Variants in METTL21A observed in about 807,000 individuals in gnomAD.
METTL21A encodes protein N-lysine methyltransferase METTL21A.
A neutral mutation model predicts 20.9 loss-of-function variants in METTL21A; 22 were observed. The observed-to-expected ratio is 1.05, with a 90% CI of 0.75 to 1.50. The LOEUF (loss-of-function observed/expected upper bound fraction) is 1.50, where lower values mean the gene tolerates loss of function less well. Ranked by LOEUF, METTL21A falls within the 40% of genes most tolerant of loss-of-function variation. The pLI is 0.00. For synonymous variants in METTL21A, 93 were observed against 102.0 expected (o/e 0.91, Z 0.53); for missense variants, 271 against 266.8 (o/e 1.02, Z -0.11).
chr2:207,618,953 AG>A (rs2090137292), intron 3 of METTL21A, among the ~76,000 whole-genome samples: 1 of 152,098 alleles, frequency 6.6e-6, no homozygotes. Context: ...ACAATCCATT[AG>A]CTTTGTGACC....
At chr2:207,588,741 T>TGG (rs1559069651) in intron 3 of METTL21A, among the ~76,000 whole-genome samples, 39 of 137,762 alleles carry the variant, frequency 2.8e-4, no homozygotes, top group Non-Finnish European at 4.8e-4. Context: ...TTTTTTTTTT[T>TGG]TGTGTGTGGG....
downstream of METTL21A, among the ~76,000 whole-genome samples, chr2:207,605,368 T>C (rs2087913335): frequency 6.6e-6 from 1 of 152,202 alleles, no homozygotes; most frequent in South Asian, 2.1e-4. Flanking sequence ...TTTGAAGAAA[T>C]GTCTGTTGAG....
intron 3 of METTL21A, chr2:207,602,878 G>A (rs1174526140): frequency 1.4e-5 from 3 of 217,764 alleles, no homozygotes; most frequent in Non-Finnish European, 2.8e-5. Context: ...CCACATGTCA[G>A]TTGTAACTCC....
intron 3 of METTL21A, among the ~76,000 whole-genome samples, chr2:207,593,569 T>C (rs1006184924): frequency 1.3e-5 from 2 of 152,118 alleles, no homozygotes; most frequent in African/African-American, 4.8e-5. Flanking sequence ...TTTTTCTGAA[T>C]TGATAGTTAC....
At chr2:207,591,764 CCT>C (rs1405198715) in intron 3 of METTL21A, among the ~76,000 whole-genome samples, 1 of 152,064 alleles carries the variant, frequency 6.6e-6, no homozygotes, top group Admixed American at 6.6e-5. Context: ...TAATATATAT[CCT>C]TCTCCATCCT....
At chr2:207,605,489 T>C (rs1425405033), downstream of METTL21A, among the ~76,000 whole-genome samples, 1 of 152,196 alleles carries the variant, frequency 6.6e-6, no homozygotes, top group Non-Finnish European at 1.5e-5. Flanking sequence ...AATGTCCTCA[T>C]TGTTTTCAAA....
chr2:207,583,112 G>A (rs2083232947), intron 3 of METTL21A, among the ~76,000 whole-genome samples: 1 of 151,926 alleles, frequency 6.6e-6, no homozygotes, highest in Non-Finnish European at 1.5e-5. Context: ...TATTTACATT[G>A]TATTAAATAT....
chr2:207,620,725 C>A, intron 3 of METTL21A: 1 of 1,528,166 alleles, frequency 6.5e-7, no homozygotes, highest in Non-Finnish European at 8.7e-7. Context: ...AAACCTCTGT[C>A]AATTTACACA....
At chr2:207,606,896 T>G (rs571394169), downstream of METTL21A, among the ~76,000 whole-genome samples, 124 of 152,344 alleles carry the variant, frequency 8.1e-4, no homozygotes, top group Non-Finnish European at 1.1e-3. Flanking sequence ...GTGAATCTTT[T>G]GCATTATGGT....
In METTL21A at chr2:207,603,754, A is replaced by C. The variant is rs542833661; in HGVS notation, c.259+18052T>G. Reference sequence around the variant, plus strand: ...CACTGAAAGGACAATAAGACTATATACCTTCTCAGGTCCCCTTGCAATTCT... The same window carrying C: ...CACTGAAAGGACAATAAGACTATATCCCTTCTCAGGTCCCCTTGCAATTCT... On this transcript the variant is annotated intron_variant, in intron 3 of 3. Coordinates refer to the METTL21A transcript ENST00000425132. Among the ~76,000 whole-genome samples, 8 of 152,260 alleles carry C rather than the reference A, an allele frequency of 5.3e-5. No individual in the cohort carries two copies. In the South Asian group the frequency reaches 1.0e-3, roughly 20 times the overall value.
chr2:207,592,438 T>C (rs887997507), intron 3 of METTL21A, among the ~76,000 whole-genome samples: 1 of 151,538 alleles, frequency 6.6e-6, no homozygotes, highest in Non-Finnish European at 1.5e-5. Context: ...TTTTTTCTTA[T>C]GATTTAAATG....
intron 3 of METTL21A, among the ~76,000 whole-genome samples, chr2:207,588,124 A>G (rs1361484030): frequency 5.4e-5 from 3 of 55,582 alleles, no homozygotes; most frequent in Non-Finnish European, 7.6e-5. Context: ...GCCTAAATCA[A>G]TATCACACAG....
intron 3 of METTL21A, among the ~76,000 whole-genome samples, chr2:207,620,374 C>T (rs1237779593): frequency 2.0e-5 from 3 of 151,894 alleles, no homozygotes; most frequent in Non-Finnish European, 2.9e-5. Flanking sequence ...ACCCGGGAGG[C>T]GGAGGTTGCA....
intron 3 of METTL21A, chr2:207,582,270 CTT>C (rs945975511): frequency 1.5e-5 from 10 of 650,798 alleles, no homozygotes; most frequent in Admixed American, 2.4e-5. Context: ...ATTCTTTTCT[CTT>C]TAAAGTTTTG....
At chr2:207,588,381 T>A (rs2084286565) in intron 3 of METTL21A, among the ~76,000 whole-genome samples, 1 of 152,220 alleles carries the variant, frequency 6.6e-6, no homozygotes, top group Admixed American at 6.5e-5. Flanking sequence ...TGGATATCTT[T>A]CCATTGATCT....
chr2:207,610,739 TG>T (rs2088768863), downstream of METTL21A: 1 of 17,566 alleles, frequency 5.7e-5, no homozygotes, highest in Non-Finnish European at 9.5e-5. Context: ...CCGCCCCTAC[TG>T]GGAAGTGAGG....
At chr2:207,592,911 C>CAAAAAAGAAAAAAAAAAAAAGAA (rs146008919) in intron 3 of METTL21A, among the ~76,000 whole-genome samples, 1 of 145,122 alleles carries the variant, frequency 6.9e-6, no homozygotes, top group Non-Finnish European at 1.5e-5. Context: ...GACTCCATCT[C>CAAAAAAGAAAAAAAAAAAAAGAA]AAAAAAGAAA....
chr2:207,598,003 C>T (rs187559873), intron 3 of METTL21A: 1 of 182,656 alleles, frequency 5.5e-6, no homozygotes, highest in African/African-American at 2.3e-5. Flanking sequence ...TTCTAATTTA[C>T]TGTTGCCCAT....
intron 3 of METTL21A, among the ~76,000 whole-genome samples, chr2:207,595,243 C>G (rs548701900): frequency 1.8e-4 from 27 of 152,140 alleles, no homozygotes; most frequent in Non-Finnish European, 3.2e-4. Context: ...ATCCACCCGC[C>G]TCTGCCTCCC....
Sources: allele counts gnomAD v4.1 joint callset (sites outside exome capture counted in the v4.1 genomes callset), GRCh38; gene constraint gnomAD v4.1.1; transcripts MANE v1.5; gene names NCBI Gene and HGNC (gene_info 2026-07-23, HGNC 2026-07-21).